Variants in TTC27 observed in about 807,000 individuals in gnomAD.
The protein encoded by TTC27 is tetratricopeptide repeat protein 27.
A neutral mutation model predicts 115.9 loss-of-function variants in TTC27; 79 were observed. That is an observed-to-expected ratio of 0.68 (90% CI 0.57 to 0.82). The LOEUF is 0.82. Among genes scored for constraint, TTC27 ranks in the 40% least tolerant of loss-of-function variants. The pLI is 0.00. For synonymous variants in TTC27, 401 were observed against 356.0 expected, an observed-to-expected ratio of 1.13 and a Z score of -1.42; for missense variants, 1,054 against 993.1, an observed-to-expected ratio of 1.06 and a Z score of -0.82.
At chr2:32,686,516 C>G (rs760900102) in intron 9 of TTC27, among the ~76,000 whole-genome samples, 1 of 152,072 alleles carries the variant, frequency 6.6e-6, no homozygotes, top group South Asian at 2.1e-4. Context: ...TGAACCACCA[C>G]GCCTAGCTGA....
At chr2:32,735,027 G>A (rs759824644) in intron 11 of TTC27, among the ~76,000 whole-genome samples, 1 of 152,108 alleles carries the variant, frequency 6.6e-6, no homozygotes, top group Admixed American at 6.6e-5. Context: ...ATTTTAACCA[G>A]TTTTCTGTCC....
chr2:32,749,077 C>G (rs2147981731), intron 12 of TTC27, among the ~76,000 whole-genome samples: 1 of 152,314 alleles, frequency 6.6e-6, no homozygotes, highest in East Asian at 1.9e-4. Flanking sequence ...TGGGCATCCT[C>G]AGGGATAGTT....
At chr2:32,700,640 C>T (rs543615750) in intron 9 of TTC27, among the ~76,000 whole-genome samples, 5 of 152,274 alleles carry the variant, frequency 3.3e-5, no homozygotes, top group African/African-American at 4.8e-5. Context: ...CAGGTTCAAG[C>T]GATTCTTCTG....
At chr2:32,727,682 C>G (rs900634343) in intron 10 of TTC27, among the ~76,000 whole-genome samples, 3 of 152,040 alleles carry the variant, frequency 2.0e-5, no homozygotes, top group African/African-American at 7.2e-5. Context: ...TCTATTATGC[C>G]ATACATTAAA....
chr2:32,666,875 A>T, intron 7 of TTC27, 107 bp downstream of exon 7: 1 of 1,309,082 alleles, frequency 7.6e-7, no homozygotes, highest in Non-Finnish European at 1.0e-6. Flanking sequence ...ACTTCATTTT[A>T]TTCTTTCTTT....
chr2:32,674,219 C>A (rs181879748), intron 8 of TTC27, among the ~76,000 whole-genome samples: 5 of 150,798 alleles, frequency 3.3e-5, no homozygotes, highest in Non-Finnish European at 4.4e-5. Context: ...GGCGCGATCT[C>A]GGCTCACTGC....
At chr2:32,640,997 C>T (rs1045628339) in intron 4 of TTC27, among the ~76,000 whole-genome samples, 2 of 151,654 alleles carry the variant, frequency 1.3e-5, no homozygotes, top group Non-Finnish European at 2.9e-5. Flanking sequence ...CAAAACAAAA[C>T]AACAACAACA....
intron 17 of TTC27, among the ~76,000 whole-genome samples, 181 bp from the exon 18 acceptor site, chr2:32,812,323 G>A (rs775841318): frequency 2.0e-5 from 3 of 152,194 alleles, no homozygotes; most frequent in Non-Finnish European, 4.4e-5. Flanking sequence ...TTCTTGCCAC[G>A]GCTTGTTGCC....
At chr2:32,682,554 G>A (rs182113586) in intron 9 of TTC27, among the ~76,000 whole-genome samples, 172 of 152,260 alleles carry the variant, frequency 1.1e-3, no homozygotes, top group Non-Finnish European at 2.0e-3. Flanking sequence ...TTTTCTTGCT[G>A]CGCATCCATT....
chr2:32,792,052 C>T (rs1289763263), intron 16 of TTC27, among the ~76,000 whole-genome samples: 3 of 152,210 alleles, frequency 2.0e-5, no homozygotes, highest in Non-Finnish European at 4.4e-5. Context: ...CATGAGGCAA[C>T]TACTTTCTGA....
At chr2:32,648,436 C>CTT (rs35446780) in intron 4 of TTC27, among the ~76,000 whole-genome samples, 47 of 111,862 alleles carry the variant, frequency 4.2e-4, no homozygotes, top group Admixed American at 2.6e-3. Flanking sequence ...GGCACCCCCC[C>CTT]TTTTTTTTTT....
At chr2:32,670,442 G>A (rs1332146224) in intron 7 of TTC27, among the ~76,000 whole-genome samples, 1 of 151,958 alleles carries the variant, frequency 6.6e-6, no homozygotes, top group East Asian at 1.9e-4. Context: ...CCAATAAATG[G>A]AATCATACAG....
intron 15 of TTC27, among the ~76,000 whole-genome samples, chr2:32,785,672 T>G (rs1366273717): frequency 6.6e-6 from 1 of 152,210 alleles, no homozygotes; most frequent in Non-Finnish European, 1.5e-5. Flanking sequence ...CTCAGCGCAC[T>G]GCAACCTCCA....
In TTC27 at chr2:32,812,855, T is replaced by C. The variant is rs573981471; in HGVS notation, c.2308+240T>C. ...TTCTGTTGGAGTAAGTAACAGAAAT[T>C]GGAAACTTTTTTAGAGATGTGAAAC... is the stretch of plus-strand genomic sequence containing the variant. On this transcript the variant is annotated intron_variant, in intron 18 of 19. Transcript: ENST00000317907. Among the ~76,000 whole-genome samples, 165 of 152,286 alleles carry C rather than the reference T, an allele frequency of 1.1e-3. 1 individual carries two copies. In the Middle Eastern group the frequency reaches 0.014, roughly 13 times the overall value.
intron 16 of TTC27, among the ~76,000 whole-genome samples, chr2:32,806,308 T>C (rs1671126698): frequency 6.6e-6 from 1 of 152,196 alleles, no homozygotes; most frequent in Non-Finnish European, 1.5e-5. Context: ...ATTGTACTCA[T>C]GGGTGATTCA....
At chr2:32,633,840 GT>G in intron 2 of TTC27, 35 bp from the exon 3 acceptor site, 2 of 1,601,640 alleles carry the variant, frequency 1.2e-6, no homozygotes, top group Non-Finnish European at 1.7e-6. Context: ...AGTGATAGTA[GT>G]TCATATTTAT....
intron 15 of TTC27, among the ~76,000 whole-genome samples, chr2:32,783,212 T>C (rs1670240695): frequency 6.6e-6 from 1 of 152,126 alleles, no homozygotes; most frequent in Non-Finnish European, 1.5e-5. Context: ...GTAGCACACT[T>C]ATTATGTGCC....
At chr2:32,658,274 T>A (rs1665411312) in intron 5 of TTC27, among the ~76,000 whole-genome samples, 1 of 152,150 alleles carries the variant, frequency 6.6e-6, no homozygotes, top group African/African-American at 2.4e-5. Context: ...AGGAGCGTAT[T>A]ACCATGCTTG....
chr2:32,706,077 CTT>C (rs148953090), intron 10 of TTC27, among the ~76,000 whole-genome samples: 1,700 of 52,786 alleles, frequency 0.032, 6 homozygotes, highest in African/African-American at 0.12. Flanking sequence ...TTACCTTACT[CTT>C]TTTTTTTTTT....
Sources: allele counts gnomAD v4.1 joint callset (sites outside exome capture counted in the v4.1 genomes callset), GRCh38; gene constraint gnomAD v4.1.1; transcripts MANE v1.5; gene names NCBI Gene and HGNC (gene_info 2026-07-23, HGNC 2026-07-21).